Variants in TRAPPC9 observed in about 807,000 individuals in gnomAD.
The protein encoded by TRAPPC9 is trafficking protein particle complex subunit 9.
In TRAPPC9, 83 loss-of-function variants were observed where a neutral mutation model predicts 124.0. The ratio of observed to expected loss-of-function variants is 0.67; its 90% CI spans 0.56 to 0.80. The LOEUF is 0.80. TRAPPC9 is among the 30% of genes least tolerant of loss of function. TRAPPC9 has a pLI of 0.00. For missense variants in TRAPPC9, 1,302 were observed against 1,508.3 expected (o/e 0.86, Z 2.27); for synonymous variants, 638 against 617.5 (o/e 1.03, Z -0.49).
intron 5 of TRAPPC9, among the ~76,000 whole-genome samples, chr8:140,416,709 A>T (rs1475333059): frequency 6.6e-6 from 1 of 152,210 alleles, no homozygotes; most frequent in Non-Finnish European, 1.5e-5. Context: ...ACAAAATTTT[A>T]AAAAACTACT....
Position 139,731,155 on chromosome 8 carries a change from ATGTGGAGGAAGAAGTCTCCCG to A in TRAPPC9, c.3332_3352del (p.Thr1111_His1117del). 1 of 1,614,000 alleles carries A rather than the reference ATGTGGAGGAAGAAGTCTCCCG, an allele frequency of 6.2e-7. No homozygotes were observed. Among genetic ancestry groups the A allele is most frequent in the South Asian group, 1.1e-5 (1 of 91,090 alleles). ...GCTGGTGCTGTCCTCGTGGAACCGG[ATGTGGAGGAAGAAGTCTCCCG>A]TGTAGAGGAAGAGGAGGGCCCCGAG... is the stretch of plus-strand genomic sequence containing the variant. On this transcript the variant is annotated inframe_deletion, in exon 23 of 23. Coordinates refer to ENST00000438773, the MANE Select transcript of TRAPPC9 (RefSeq NM_001160372.4).
intron 21 of TRAPPC9, among the ~76,000 whole-genome samples, chr8:139,821,922 G>C (rs1432067455): frequency 6.6e-6 from 1 of 152,216 alleles, no homozygotes; most frequent in Non-Finnish European, 1.5e-5. Flanking sequence ...TGCCATGCTC[G>C]GCTATTGGCT....
intron 15 of TRAPPC9, among the ~76,000 whole-genome samples, chr8:140,265,387 G>A (rs1055771987): frequency 3.9e-5 from 6 of 152,186 alleles, no homozygotes; most frequent in Non-Finnish European, 8.8e-5. Context: ...ATTCCCCTCT[G>A]ATGCCAACCA....
intron 18 of TRAPPC9, among the ~76,000 whole-genome samples, chr8:140,005,204 C>T (rs566580090): frequency 1.2e-4 from 19 of 152,154 alleles, no homozygotes; most frequent in Non-Finnish European, 2.6e-4. Flanking sequence ...AAACATAGCA[C>T]ACCAACCACC....
intron 17 of TRAPPC9, among the ~76,000 whole-genome samples, chr8:140,036,404 G>C (rs1038067343): frequency 7.2e-5 from 11 of 152,114 alleles, no homozygotes; most frequent in Non-Finnish European, 1.3e-4. Flanking sequence ...TGCCATTGAA[G>C]ACATCAGAGC....
At chr8:140,426,923 CT>C (rs376753987) in intron 4 of TRAPPC9, among the ~76,000 whole-genome samples, 319 of 143,700 alleles carry the variant, frequency 2.2e-3, no homozygotes, top group African/African-American at 3.7e-3. Flanking sequence ...GCTCCCAGTT[CT>C]TTTTTTTTTT....
chr8:140,180,860 C>G (rs574058575), intron 17 of TRAPPC9, among the ~76,000 whole-genome samples: 1 of 151,774 alleles, frequency 6.6e-6, no homozygotes, highest in South Asian at 2.1e-4. Flanking sequence ...ACTTATGTGA[C>G]TGTGTGTGTG....
chr8:140,144,873 CTCTG>C (rs1253219712), intron 17 of TRAPPC9, among the ~76,000 whole-genome samples: 1 of 151,850 alleles, frequency 6.6e-6, no homozygotes, highest in African/African-American at 2.4e-5. Flanking sequence ...TGAACTCTTT[CTCTG>C]TCTTTTTTTT....
intron 7 of TRAPPC9, among the ~76,000 whole-genome samples, chr8:140,393,217 G>GC (rs919188500): frequency 5.9e-5 from 9 of 151,946 alleles, no homozygotes; most frequent in African/African-American, 2.2e-4. Flanking sequence ...TATTACAGGT[G>GC]CCCCCCACCA....
intron 15 of TRAPPC9, among the ~76,000 whole-genome samples, chr8:140,264,583 A>T (rs113173136): frequency 1.5e-5 from 2 of 133,552 alleles, no homozygotes. Context: ...GGGGGAAAGA[A>T]GAGAGAGAGA....
rs191615254 is a variant in TRAPPC9 at position 139,796,220 on chromosome 8, C to G, written c.3056-64018G>C. On this transcript the variant is annotated intron_variant, in intron 21 of 22. Transcript: ENST00000438773. Reference sequence around the variant, plus strand: ...TGATTTTGCTTAAGAGGCTTCCCTTCGGCGCTGTTCACAAACATATTCATA... The same window carrying G: ...TGATTTTGCTTAAGAGGCTTCCCTTGGGCGCTGTTCACAAACATATTCATA... 2.0e-4 allele frequency among the ~76,000 whole-genome samples: 31 copies of G among 152,222 alleles called. No homozygotes were observed. The East Asian group carries it at 3.5e-3, about 17-fold the overall frequency.
intron 9 of TRAPPC9, among the ~76,000 whole-genome samples, chr8:140,314,112 C>T (rs1028086708): frequency 2.0e-5 from 3 of 152,056 alleles, no homozygotes; most frequent in Non-Finnish European, 4.4e-5. Flanking sequence ...GGATTTTTTC[C>T]TCATCAATCA....
Position 140,244,994 on chromosome 8 carries a change from C to T in TRAPPC9, c.2431+7783G>A, listed in dbSNP as rs188226599. Among the ~76,000 whole-genome samples the T allele has an allele frequency of 2.0e-4, 30 of 151,742 alleles. No individual in the cohort carries two copies. In the East Asian group the frequency reaches 4.8e-3, roughly 25 times the overall value. The stretch of plus-strand genomic sequence containing the variant: ...CTAATTTTTGTATTTTTAGTAGAGA[C>T]GGGGTTTCACCATGTTGGCCAGGAT... On this transcript the variant is annotated intron_variant, in intron 16 of 22. Transcript: ENST00000438773.
intron 11 of TRAPPC9, among the ~76,000 whole-genome samples, chr8:140,296,953 G>C (rs1464303148): frequency 6.6e-6 from 1 of 152,256 alleles, no homozygotes; most frequent in East Asian, 1.9e-4. Context: ...AGGACAGCAA[G>C]TCCGGGGCCA....
intron 6 of TRAPPC9, among the ~76,000 whole-genome samples, chr8:140,401,880 C>T (rs967738328): frequency 6.6e-6 from 1 of 151,408 alleles, no homozygotes; most frequent in East Asian, 1.9e-4. Flanking sequence ...CCCACCTCAG[C>T]CTCCCAAAGT....
intron 21 of TRAPPC9, among the ~76,000 whole-genome samples, chr8:139,870,493 A>G (rs1016930349): frequency 6.6e-6 from 1 of 152,246 alleles, no homozygotes; most frequent in African/African-American, 2.4e-5. Flanking sequence ...CATCATGCTT[A>G]TAACAGCAAA....
At chr8:140,220,915 C>T (rs2063324632) in intron 17 of TRAPPC9, among the ~76,000 whole-genome samples, 1 of 152,196 alleles carries the variant, frequency 6.6e-6, no homozygotes, top group South Asian at 2.1e-4. Flanking sequence ...GCCAGAGCTT[C>T]CCATGTGCTG....
At chr8:140,023,830 C>T in intron 18 of TRAPPC9, 107 bp downstream of exon 18, 1 of 1,556,716 alleles carries the variant, frequency 6.4e-7, no homozygotes, top group Non-Finnish European at 8.8e-7. Flanking sequence ...GGCCCCATGG[C>T]ACGGATCTGA....
chr8:140,458,491 C>G (rs755963993), upstream of TRAPPC9: 3 of 1,575,980 alleles, frequency 1.9e-6, no homozygotes, highest in Non-Finnish European at 1.7e-6. Context: ...CCGGGAGGCA[C>G]GTGAGGTGCG....
Sources: allele counts gnomAD v4.1 joint callset (sites outside exome capture counted in the v4.1 genomes callset), GRCh38; gene constraint gnomAD v4.1.1; transcripts MANE v1.5; gene names NCBI Gene and HGNC (gene_info 2026-07-23, HGNC 2026-07-21).